RBFOX1: variants seen among roughly 807,000 people sequenced by gnomAD.
The protein encoded by RBFOX1 is RNA binding fox-1 homolog 1, also known as RNA binding protein fox-1 homolog 1.
A neutral mutation model predicts 57.7 loss-of-function variants in RBFOX1; 8 were observed. The observed-to-expected ratio is 0.14, with a 90% CI of 0.08 to 0.25. The LOEUF is 0.25. Among genes scored for constraint, RBFOX1 ranks in the 10% least tolerant of loss-of-function variants. The probability of loss-of-function intolerance (pLI) is 1.00; values close to 1 mark genes in which losing one functional copy is unlikely to be tolerated. For synonymous variants in RBFOX1, 326 were observed against 222.4 expected, an observed-to-expected ratio of 1.47 and a Z score of -4.15; for missense variants, 611 against 548.5, an observed-to-expected ratio of 1.11 and a Z score of -1.14.
rs76567047 is a variant in RBFOX1 at position 6,009,656 on chromosome 16, C to T, written c.351+142321C>T. Among the ~76,000 whole-genome samples, 98 of 152,218 alleles carry T rather than the reference C, an allele frequency of 6.4e-4. 1 individual carries two copies. In the East Asian group the frequency reaches 0.018, roughly 28 times the overall value. On this transcript the variant is annotated intron_variant, in intron 4 of 19. Transcript: ENST00000641259. ...TTTTCAGAGAAGGGAAATATCCATG[C>T]ACAAAGCCCTCAGATCTTAAAATCA...
intron 3 of RBFOX1, among the ~76,000 whole-genome samples, chr16:6,856,817 G>C (rs368909738): frequency 6.6e-5 from 10 of 152,070 alleles, no homozygotes; most frequent in Non-Finnish European, 1.5e-4. Flanking sequence ...TAAGCATTGC[G>C]ATTGTCAAAC....
intron 4 of RBFOX1, among the ~76,000 whole-genome samples, chr16:5,895,328 G>A (rs959101704): frequency 2.0e-5 from 3 of 152,184 alleles, no homozygotes; most frequent in Admixed American, 1.3e-4. Context: ...GGAAATGGAT[G>A]ACTCACATGC....
chr16:5,346,802 T>A (rs9933227), intron 1 of RBFOX1, among the ~76,000 whole-genome samples: 18,604 of 152,128 alleles, frequency 0.12, 2,891 homozygotes, highest in African/African-American at 0.37. Context: ...TAGTCAAGTG[T>A]CTCAGTCTTT....
chr16:7,310,486 G>C (rs1238840478), intron 4 of RBFOX1, among the ~76,000 whole-genome samples: 1 of 152,264 alleles, frequency 6.6e-6, no homozygotes, highest in Admixed American at 6.5e-5. Context: ...GTTAACTGTG[G>C]AGCACCCAGA....
chr16:6,477,077 C>G (rs907687402), intron 2 of RBFOX1, among the ~76,000 whole-genome samples: 2 of 152,202 alleles, frequency 1.3e-5, no homozygotes, highest in African/African-American at 4.8e-5. Flanking sequence ...GCTATTTCCT[C>G]CACATTTCCA....
intron 2 of RBFOX1, among the ~76,000 whole-genome samples, chr16:6,378,555 A>C (rs2091459049): frequency 6.6e-6 from 1 of 152,108 alleles, no homozygotes; most frequent in Admixed American, 6.6e-5. Context: ...GTGGAGTGGG[A>C]GTGTGCACAT....
chr16:6,997,684 A>G (rs1289768763), intron 3 of RBFOX1, among the ~76,000 whole-genome samples: 8 of 152,176 alleles, frequency 5.3e-5, no homozygotes, highest in Non-Finnish European at 7.3e-5. Context: ...TTGAAACTGA[A>G]CAGAAGAAAA....
downstream of RBFOX1, among the ~76,000 whole-genome samples, chr16:5,603,675 G>C (rs899054755): frequency 3.3e-5 from 5 of 152,160 alleles, no homozygotes; most frequent in South Asian, 2.1e-4. Context: ...TTGCTTAGAT[G>C]CCAGATGAAG....
chr16:7,593,755 C>G (rs775788074), intron 7 of RBFOX1, among the ~76,000 whole-genome samples: 3 of 151,958 alleles, frequency 2.0e-5, no homozygotes, highest in Non-Finnish European at 2.9e-5. Flanking sequence ...TCACATTCCA[C>G]GGGGTGACTG....
At chr16:6,243,781 T>G (rs1487776568) in intron 1 of RBFOX1, among the ~76,000 whole-genome samples, 1 of 152,078 alleles carries the variant, frequency 6.6e-6, no homozygotes, top group East Asian at 1.9e-4. Context: ...TGGTAGGAGT[T>G]GTGATGGTGG....
chr16:6,680,246 C>A (rs1395874885), intron 3 of RBFOX1, among the ~76,000 whole-genome samples: 3 of 148,506 alleles, frequency 2.0e-5, no homozygotes, highest in African/African-American at 4.9e-5. Context: ...GAGTATGATT[C>A]CTGTCTTTGC....
At chr16:6,489,531 C>T (rs1052779347) in intron 2 of RBFOX1, among the ~76,000 whole-genome samples, 3 of 152,096 alleles carry the variant, frequency 2.0e-5, no homozygotes, top group Non-Finnish European at 4.4e-5. Flanking sequence ...GGTTTAAACT[C>T]CAAAGTCTGT....
At chr16:7,504,739 A>ATTTATT (rs1555526342) in intron 4 of RBFOX1, among the ~76,000 whole-genome samples, 1 of 7,980 alleles carries the variant, frequency 1.3e-4, no homozygotes, top group East Asian at 2.7e-3. Context: ...ATATATATAT[A>ATTTATT]TATATATATA....
chr16:5,510,282 G>C (rs72761054), intron 2 of RBFOX1, among the ~76,000 whole-genome samples: 3,922 of 152,314 alleles, frequency 0.026, 68 homozygotes, highest in Middle Eastern at 0.061. Flanking sequence ...TGTGAGTTGC[G>C]TGGGGTTCAG....
At chr16:7,217,040 C>CCTCCCTCCCTCTCTCTCCCTCT (rs2092206382) in intron 4 of RBFOX1, among the ~76,000 whole-genome samples, 1 of 118,414 alleles carries the variant, frequency 8.4e-6, no homozygotes, top group Non-Finnish European at 1.8e-5. Flanking sequence ...TCCCTCCCTC[C>CCTCCCTCCCTCTCTCTCCCTCT]CTCCCTCCCT....
At chr16:5,681,089 T>A (rs1004566102) in intron 3 of RBFOX1, among the ~76,000 whole-genome samples, 2 of 151,856 alleles carry the variant, frequency 1.3e-5, no homozygotes, top group African/African-American at 4.8e-5. Flanking sequence ...ATATATATAT[T>A]TTGAGATGGA....
chr16:5,263,681 G>A (rs761296979), intron 1 of RBFOX1, among the ~76,000 whole-genome samples: 2 of 152,164 alleles, frequency 1.3e-5, no homozygotes, highest in Admixed American at 1.3e-4. Flanking sequence ...GGGAAAGGCA[G>A]AGGAAGAGGG....
chr16:6,976,719 C>T (rs527634766), intron 3 of RBFOX1, among the ~76,000 whole-genome samples: 13 of 147,934 alleles, frequency 8.8e-5, no homozygotes, highest in East Asian at 5.9e-4. Context: ...GCATACATAT[C>T]ATATATATCA....
At chr16:6,612,693 A>C (rs2098079518) in intron 2 of RBFOX1, among the ~76,000 whole-genome samples, 1 of 151,778 alleles carries the variant, frequency 6.6e-6, no homozygotes, top group Non-Finnish European at 1.5e-5. Flanking sequence ...CTCTACTAAA[A>C]ATACAAAAAT....
Sources: allele counts gnomAD v4.1 joint callset (sites outside exome capture counted in the v4.1 genomes callset), GRCh38; gene constraint gnomAD v4.1.1; transcripts MANE v1.5; gene names NCBI Gene and HGNC (gene_info 2026-07-23, HGNC 2026-07-21).